DCP2: variants seen among roughly 807,000 people sequenced by gnomAD.
DCP2 encodes the protein m7GpppN-mRNA hydrolase.
Under a neutral mutation model 56.1 loss-of-function variants are expected in DCP2, and 30 were observed. The observed-to-expected ratio is 0.53, with a 90% CI of 0.40 to 0.73. DCP2 has a LOEUF of 0.73. Among genes scored for constraint, DCP2 ranks in the 30% least tolerant of loss-of-function variants. The pLI, the probability that DCP2 is intolerant of heterozygous loss-of-function variation, is 0.00. For synonymous variants in DCP2, 197 were observed against 163.3 expected, an observed-to-expected ratio of 1.21 and a Z score of -1.57; for missense variants, 533 against 502.7, an observed-to-expected ratio of 1.06 and a Z score of -0.58.
chr5:113,003,712 G>A lies in DCP2; in HGVS notation c.807-230G>A, dbSNP rs139823145. Among the ~76,000 whole-genome samples, 1,226 of 152,246 alleles carry A rather than the reference G, an allele frequency of 8.1e-3. 13 individuals carry two copies. The highest frequency in any genetic ancestry group is 0.028 in the African/African-American group (1,164 of 41,532). On this transcript the variant is annotated intron_variant, in intron 7 of 10. Transcript: ENST00000389063. Reference sequence around the variant, plus strand: ...TTTAAGTCTAGGATGAAAAAAAATAGTAGTGTATTAATTCATTCAAGAAAT... The same window carrying A: ...TTTAAGTCTAGGATGAAAAAAAATAATAGTGTATTAATTCATTCAAGAAAT...
At chr5:112,983,344 C>T (rs33550) in intron 1 of DCP2, among the ~76,000 whole-genome samples, 39,808 of 152,014 alleles carry the variant, frequency 0.26, 5,394 homozygotes, top group Middle Eastern at 0.36. Flanking sequence ...AGCATTTCAA[C>T]AGAGCGGGCT....
At chr5:113,007,034 A>G (rs903971851) in intron 8 of DCP2, among the ~76,000 whole-genome samples, 2 of 152,060 alleles carry the variant, frequency 1.3e-5, no homozygotes, top group South Asian at 4.2e-4. Flanking sequence ...GCTGCTTGGG[A>G]GGCTGAGGCA....
chr5:112,977,793 G>C (rs908576279), intron 1 of DCP2, among the ~76,000 whole-genome samples: 2 of 152,124 alleles, frequency 1.3e-5, no homozygotes, highest in African/African-American at 4.8e-5. Flanking sequence ...GTGATACCCG[G>C]AGTTGTCGCC....
intron 1 of DCP2, 141 bp downstream of exon 1, chr5:112,977,127 C>T: frequency 1.7e-6 from 1 of 583,488 alleles, no homozygotes; most frequent in South Asian, 3.1e-5. Context: ...CCATCGTCGA[C>T]CCTGCTCTCC....
chr5:112,994,039 TCTC>T (rs758895362), intron 4 of DCP2, among the ~76,000 whole-genome samples: 1 of 151,922 alleles, frequency 6.6e-6, no homozygotes, highest in Non-Finnish European at 1.5e-5. Context: ...TCAAGTGATC[TCTC>T]CTCCTCGGCC....
At chr5:113,004,215 G>A (rs1749309927) in intron 8 of DCP2, 138 bp downstream of exon 8, 9 of 1,008,740 alleles carry the variant, frequency 8.9e-6, no homozygotes, top group South Asian at 1.8e-5. Flanking sequence ...CCTTACTTAT[G>A]ATTTGAAGCA....
chr5:113,001,925 A>G (rs1245118075), intron 7 of DCP2, among the ~76,000 whole-genome samples: 2 of 152,196 alleles, frequency 1.3e-5, no homozygotes, highest in Non-Finnish European at 2.9e-5. Flanking sequence ...CTTTTTAGAT[A>G]GAACACTAGG....
chr5:113,003,881 G>A, intron 7 of DCP2, 61 bp from the exon 8 acceptor site: 5 of 1,543,808 alleles, frequency 3.2e-6, no homozygotes, highest in Non-Finnish European at 4.5e-6. Context: ...AACTATTAAG[G>A]TGTTAAAAGA....
At chr5:112,985,026 ACT>A (rs1748206243) in intron 1 of DCP2, among the ~76,000 whole-genome samples, 1 of 152,014 alleles carries the variant, frequency 6.6e-6, no homozygotes, top group African/African-American at 2.4e-5. Context: ...TTAAAAAATG[ACT>A]CTAAAAACCA....
intron 8 of DCP2, among the ~76,000 whole-genome samples, chr5:113,007,602 G>C (rs1749499333): frequency 6.6e-6 from 1 of 151,908 alleles, no homozygotes; most frequent in Non-Finnish European, 1.5e-5. Flanking sequence ...GGGTTTTGCT[G>C]TGTTAGCCAG....
intron 8 of DCP2, among the ~76,000 whole-genome samples, chr5:113,004,822 T>C (rs1249304408): frequency 6.6e-6 from 1 of 152,072 alleles, no homozygotes; most frequent in African/African-American, 2.4e-5. Context: ...TTTTTTTTTT[T>C]TATTTTAAAA....
At chr5:113,004,967 T>C (rs1247364698) in intron 8 of DCP2, among the ~76,000 whole-genome samples, 2 of 151,758 alleles carry the variant, frequency 1.3e-5, no homozygotes, top group African/African-American at 2.4e-5. Context: ...TTACTAAAAA[T>C]ACAAAAAATT....
At chr5:113,010,663 A>C (rs571556045) in intron 9 of DCP2, 93 bp from the exon 10 acceptor site, 55 of 1,336,760 alleles carry the variant, frequency 4.1e-5, no homozygotes, top group Admixed American at 5.8e-5. Context: ...TTCCTGAGAA[A>C]TTTGATAATA....
intron 4 of DCP2, among the ~76,000 whole-genome samples, chr5:112,996,234 C>T (rs1384007718): frequency 2.0e-5 from 3 of 152,194 alleles, no homozygotes. Flanking sequence ...ATAAAAGAAG[C>T]TGCACGGCTT....
intron 4 of DCP2, 50 bp from the exon 5 acceptor site, chr5:113,001,034 A>G: frequency 6.6e-7 from 1 of 1,507,806 alleles, no homozygotes; most frequent in Non-Finnish European, 8.9e-7. Context: ...TTAATGAACT[A>G]GAGGCCTAAG....
chr5:112,998,215 C>T (rs866862757), intron 4 of DCP2, among the ~76,000 whole-genome samples: 3 of 152,076 alleles, frequency 2.0e-5, no homozygotes, highest in African/African-American at 4.8e-5. Flanking sequence ...TGCTGGTGGC[C>T]CTTGCTGTTT....
At chr5:113,003,204 C>T (rs1336458401) in intron 7 of DCP2, among the ~76,000 whole-genome samples, 3 of 152,192 alleles carry the variant, frequency 2.0e-5, no homozygotes, top group African/African-American at 4.8e-5. Context: ...TCCTTGGCCT[C>T]CCAAAGTGCT....
At chr5:112,983,093 A>G (rs1310899212) in intron 1 of DCP2, among the ~76,000 whole-genome samples, 1 of 152,254 alleles carries the variant, frequency 6.6e-6, no homozygotes, top group Admixed American at 6.5e-5. Flanking sequence ...GCCATCACAC[A>G]GACTGCCATG....
intron 1 of DCP2, among the ~76,000 whole-genome samples, chr5:112,979,868 T>C (rs943892215): frequency 6.6e-6 from 1 of 152,198 alleles, no homozygotes; most frequent in East Asian, 1.9e-4. Context: ...AGTCCCTTGG[T>C]GCCTTTTGTG....
Sources: allele counts gnomAD v4.1 joint callset (sites outside exome capture counted in the v4.1 genomes callset), GRCh38; gene constraint gnomAD v4.1.1; transcripts MANE v1.5; gene names NCBI Gene and HGNC (gene_info 2026-07-23, HGNC 2026-07-21).